KIRREL3: variants seen among roughly 807,000 people sequenced by gnomAD.
KIRREL3 encodes kirre like nephrin family adhesion molecule 3.
In KIRREL3, 36 loss-of-function variants were observed where a neutral mutation model predicts 89.7. That is an observed-to-expected ratio of 0.40 (90% confidence interval 0.31 to 0.53). KIRREL3 has a LOEUF of 0.53. Ranked by LOEUF, KIRREL3 falls within the 20% of genes least tolerant of loss-of-function variation. The probability of loss-of-function intolerance (pLI) is 0.49; values close to 1 mark genes in which losing one functional copy is unlikely to be tolerated. For synonymous variants in KIRREL3, 445 were observed against 441.4 expected, an observed-to-expected ratio of 1.01 and a Z score of -0.10; for missense variants, 864 against 1,056.6, an observed-to-expected ratio of 0.82 and a Z score of 2.53.
At chr11:126,864,652 T>A (rs554324689) in intron 1 of KIRREL3, among the ~76,000 whole-genome samples, 1 of 152,308 alleles carries the variant, frequency 6.6e-6, no homozygotes, top group East Asian at 1.9e-4. Context: ...GTAACCAACA[T>A]TGAATTGCAC....
intron 1 of KIRREL3, among the ~76,000 whole-genome samples, chr11:126,927,374 G>A (rs747326481): frequency 2.0e-4 from 30 of 152,176 alleles, no homozygotes; most frequent in Non-Finnish European, 1.2e-4. Flanking sequence ...ATACTTATGT[G>A]TCTTACCCAG....
chr11:126,507,814 C>T (rs537316711), intron 4 of KIRREL3, among the ~76,000 whole-genome samples: 14 of 152,330 alleles, frequency 9.2e-5, no homozygotes, highest in East Asian at 5.8e-4. Context: ...TGAACCTGGA[C>T]GTGAGACGGG....
intron 1 of KIRREL3, among the ~76,000 whole-genome samples, chr11:126,775,614 G>A (rs1486638525): frequency 6.6e-6 from 1 of 152,150 alleles, no homozygotes; most frequent in Non-Finnish European, 1.5e-5. Flanking sequence ...GGTCTTTAGG[G>A]CCTATTAGCA....
chr11:126,681,822 G>A (rs2135102685), intron 1 of KIRREL3: 2 of 450,220 alleles, frequency 4.4e-6, no homozygotes, highest in African/African-American at 2.0e-5. Flanking sequence ...GTATTCCTGA[G>A]GAATCTGCGT....
intron 1 of KIRREL3, among the ~76,000 whole-genome samples, chr11:126,621,587 A>G (rs979419529): frequency 6.6e-6 from 1 of 152,112 alleles, no homozygotes; most frequent in Admixed American, 6.5e-5. Context: ...TCTTAGATAC[A>G]CTCTTTATAA....
chr11:126,507,211 T>C (rs1417212187), intron 4 of KIRREL3, among the ~76,000 whole-genome samples: 1 of 151,546 alleles, frequency 6.6e-6, no homozygotes, highest in African/African-American at 2.4e-5. Context: ...TGGGTGGGAG[T>C]GAGGATTGAC....
intron 1 of KIRREL3, among the ~76,000 whole-genome samples, chr11:126,602,797 C>G (rs1414232266): frequency 6.6e-6 from 1 of 152,156 alleles, no homozygotes; most frequent in East Asian, 1.9e-4. Flanking sequence ...CTGTCGGGGG[C>G]AGTTCGCGGG....
chr11:126,918,739 C>T lies in KIRREL3; in HGVS notation c.55+81716G>A, dbSNP rs1003321317. ...ATAGTTCCCCTTTTCAAAATCTTTT[C>T]CTGCATTGGATGCCAGGCAGCCATT... On this transcript the variant is annotated intron_variant, in intron 1 of 16. Coordinates refer to ENST00000525144, the MANE Select transcript of KIRREL3 (RefSeq NM_032531.4). The surrounding 1 kb of genome is among the most constrained non-coding windows in gnomAD (Gnocchi z 6.5). 6.6e-6 allele frequency among the ~76,000 whole-genome samples: 1 copy of T among 152,128 alleles called. No homozygotes were observed. The highest frequency in any genetic ancestry group is 1.5e-5 in the Non-Finnish European group (1 of 68,032).
At position 126,769,854 on chromosome 11, in the gene KIRREL3, A is replaced by G; in HGVS notation, c.56-206942T>C. 6.6e-6 allele frequency among the ~76,000 whole-genome samples: 1 copy of G among 152,150 alleles called. No homozygotes were observed. ...TTGTGCAACCTGCTCAATCTCTCTG[A>G]GTCTTGATTTCCTCATTTATAAGAT... is the stretch of plus-strand genomic sequence containing the variant. On this transcript the variant is annotated intron_variant, in intron 1 of 16. Transcript: ENST00000525144. This position sits in a 1 kb window ranked among gnomAD's most constrained non-coding sequence, Gnocchi z 4.3.
At chr11:126,487,316 G>A (rs1957392328) in intron 4 of KIRREL3, among the ~76,000 whole-genome samples, 1 of 152,178 alleles carries the variant, frequency 6.6e-6, no homozygotes, top group Non-Finnish European at 1.5e-5. Flanking sequence ...ACAGGGCGGG[G>A]CGTGGGGTGC....
intron 1 of KIRREL3, among the ~76,000 whole-genome samples, chr11:126,672,537 G>A (rs796652949): frequency 7.9e-5 from 12 of 152,338 alleles, no homozygotes; most frequent in African/African-American, 2.2e-4. Flanking sequence ...TAGAAAAAGA[G>A]CAGTAGTTGC....
intron 9 of KIRREL3, among the ~76,000 whole-genome samples, chr11:126,445,333 G>A (rs781381074): frequency 1.7e-4 from 26 of 152,252 alleles, no homozygotes; most frequent in Non-Finnish European, 2.1e-4. Flanking sequence ...GTGTGACTGA[G>A]GATGTTACAT....
rs138358047 is a variant in KIRREL3, at chr11:126,488,236, T to C, written c.434-14770A>G. Among the ~76,000 whole-genome samples the C allele has an allele frequency of 3.4e-3, 521 of 152,312 alleles. 2 individuals carry two copies. The highest frequency in any genetic ancestry group is 0.012 in the African/African-American group (481 of 41,576). ...TTGCTGGTGTTGGTGGGGATGGCTT[T>C]GGGGCCACCCAGGCCCCTGCATCTC... On this transcript the variant is annotated intron_variant, in intron 4 of 16. Transcript: ENST00000525144.
At position 126,576,766 on chromosome 11, in the gene KIRREL3, A is replaced by G. The variant is rs561370884; in HGVS notation, c.56-13854T>C. Reference sequence around the variant, plus strand: ...ACTTAGATTTTTGATGCACACTGAGAGGGTCCTTTTTAATCAGCTGAGGAG... The same window carrying G: ...ACTTAGATTTTTGATGCACACTGAGGGGGTCCTTTTTAATCAGCTGAGGAG... On this transcript the variant is annotated intron_variant, in intron 1 of 16. Transcript: ENST00000525144. The surrounding 1 kb of genome is among the most constrained non-coding windows in gnomAD (Gnocchi z 5.4). 6.6e-6 allele frequency among the ~76,000 whole-genome samples: 1 copy of G among 152,260 alleles called. No homozygotes were observed. Among genetic ancestry groups the G allele is most frequent in the East Asian group, 1.9e-4 (1 of 5,186 alleles).
chr11:126,692,432 C>T (rs1334708191), intron 1 of KIRREL3, among the ~76,000 whole-genome samples: 1 of 151,072 alleles, frequency 6.6e-6, no homozygotes, highest in African/African-American at 2.4e-5. Flanking sequence ...GTAGTCTCAG[C>T]TCCTCAGGAG....
rs1956309988 is a variant in KIRREL3 at position 126,455,630 on chromosome 11, TA to T, written c.848+718del. ...GGTGAAACGCTGTCTCTACTAAAAATACAAAAAAAAAAAAAAATTAGCTGGC... is the reference window on the plus strand; with the variant it reads ...GGTGAAACGCTGTCTCTACTAAAAATCAAAAAAAAAAAAAAATTAGCTGGC... On this transcript the variant is annotated intron_variant, in intron 7 of 16. Transcript: ENST00000525144. This position sits in a 1 kb window ranked among gnomAD's most constrained non-coding sequence, Gnocchi z 6.4. Among the ~76,000 whole-genome samples the T allele has an allele frequency of 1.1e-5, 1 of 88,446 alleles. No homozygotes were observed. The highest frequency in any genetic ancestry group is 2.2e-5 in the Non-Finnish European group (1 of 45,140). 58.0% of individuals were successfully genotyped at this position (88,446 alleles called of 152,430 possible).
Position 126,424,299 on chromosome 11 carries a change from TC to T in KIRREL3, c.*280del, listed in dbSNP as rs1954841160. The T allele has an allele frequency of 6.0e-6, 3 of 497,794 alleles. No individual in the cohort carries two copies. Among genetic ancestry groups the T allele is most frequent in the South Asian group, 5.2e-5 (2 of 38,658 alleles). The allele number at this position is 497,794 out of a possible 1,614,324, so 30.8% of individuals were successfully genotyped here. A position where few individuals can be genotyped will look rare whatever the true frequency, so the allele number is the denominator to read the frequency against. On this transcript the variant is annotated 3_prime_UTR_variant, in exon 17 of 17. Coordinates refer to ENST00000525144, the MANE Select transcript of KIRREL3 (RefSeq NM_032531.4). ...GGGCAGAGCAGGTGGTAGAGGGGCC[TC>T]CAGGAAAGGGCCGGGGACACGGGTG...
At position 126,814,023 on chromosome 11, in the gene KIRREL3, G is replaced by A. The variant is rs998964268; in HGVS notation, c.55+186432C>T. On this transcript the variant is annotated intron_variant, in intron 1 of 16. Coordinates refer to ENST00000525144, the MANE Select transcript of KIRREL3 (RefSeq NM_032531.4). This position sits in a 1 kb window ranked among gnomAD's most constrained non-coding sequence, Gnocchi z 4.4. The stretch of plus-strand genomic sequence containing the variant: ...TTTTGCAGTCTATTCAACTGACAAA[G>A]GTCTAATATCCAGAGTCTACAAGGA... Among the ~76,000 whole-genome samples, 2 of 151,934 alleles carry A rather than the reference G, an allele frequency of 1.3e-5. No homozygotes were observed. The highest frequency in any genetic ancestry group is 2.9e-5 in the Non-Finnish European group (2 of 68,012).
Position 126,571,928 on chromosome 11 carries a change from C to A in KIRREL3, c.56-9016G>T, listed in dbSNP as rs1205005361. ...ATAGGATCATGAAGGCCATTCCTGT[C>A]CTCCAGTCTGTCTTCCACACACCCT... On this transcript the variant is annotated intron_variant, in intron 1 of 16. Transcript: ENST00000525144. The surrounding 1 kb of genome is among the most constrained non-coding windows in gnomAD (Gnocchi z 7.7). Among the ~76,000 whole-genome samples, 1 of 152,216 alleles carries A rather than the reference C, an allele frequency of 6.6e-6. No homozygotes were observed. The highest frequency in any genetic ancestry group is 1.5e-5 in the Non-Finnish European group (1 of 68,042).
Sources: gnomAD v4.1 joint callset for allele counts (sites outside exome capture counted in the v4.1 genomes callset) on GRCh38, gnomAD v4.1.1 for gene constraint, Gnocchi (gnomAD v3.1) non-coding constraint, MANE v1.5 for transcripts, NCBI Gene and HGNC (gene_info 2026-07-23, HGNC 2026-07-21) for gene names.